The following AP2A2 variants were observed in gnomAD, a reference collection of about 807,000 sequenced individuals.
AP2A2 encodes AP-2 complex subunit alpha-2.
In AP2A2, 32 loss-of-function variants were observed where a neutral mutation model predicts 104.2. The observed-to-expected ratio is 0.31, with a 90% confidence interval of 0.23 to 0.41. The LOEUF (loss-of-function observed/expected upper bound fraction) is 0.41. Among genes scored for constraint, AP2A2 ranks in the 10% least tolerant of loss-of-function variants. The pLI is 1.00. For synonymous variants in AP2A2, 539 were observed against 533.3 expected (o/e 1.01, Z -0.15); for missense variants, 912 against 1,261.0 (o/e 0.72, Z 4.19).
chr11:995,235 C>T, intron 14 of AP2A2: 1 of 450,944 alleles, frequency 2.2e-6, no homozygotes. Flanking sequence ...CTGCCCTGCT[C>T]TTCGAGGTTT....
chr11:989,156 C>T (rs952905208), intron 10 of AP2A2, among the ~76,000 whole-genome samples: 8 of 152,126 alleles, frequency 5.3e-5, no homozygotes, highest in African/African-American at 1.7e-4. Flanking sequence ...ACCCTGACCC[C>T]GTCTCTACTG....
chr11:985,072 C>CT (rs1194355948), intron 7 of AP2A2, among the ~76,000 whole-genome samples: 1 of 152,190 alleles, frequency 6.6e-6, no homozygotes, highest in African/African-American at 2.4e-5. Flanking sequence ...CAACCTCTGC[C>CT]TCCCGGGTTC....
Position 993,093 on chromosome 11 carries a change from C to T in AP2A2, c.1453-191C>T, listed in dbSNP as rs545188850. ...CCCTCCAGGGCAGGTCAGCGTGTGG[C>T]AGCCTTGGGTTCCTTGCTGCTGACA... On this transcript the variant is annotated intron_variant, in intron 11 of 21. Transcript: ENST00000448903. This position sits in a 1 kb window ranked among gnomAD's most constrained non-coding sequence, Gnocchi z 8.2. 1.3e-5 allele frequency among the ~76,000 whole-genome samples: 2 copies of T among 152,334 alleles called. No homozygotes were observed. The highest frequency in any genetic ancestry group is 4.8e-5 in the African/African-American group (2 of 41,578).
At chr11:937,902 C>G (rs1853514150) in intron 1 of AP2A2, among the ~76,000 whole-genome samples, 1 of 152,134 alleles carries the variant, frequency 6.6e-6, no homozygotes, top group Admixed American at 6.6e-5. Flanking sequence ...AGTCCCGGAG[C>G]TCCCGAGAGG....
intron 14 of AP2A2, among the ~76,000 whole-genome samples, chr11:999,873 G>T (rs1260935324): frequency 6.7e-6 from 1 of 148,154 alleles, no homozygotes; most frequent in East Asian, 2.0e-4. Flanking sequence ...GTGCGATCTC[G>T]GCTCACTGCA....
intron 14 of AP2A2, among the ~76,000 whole-genome samples, chr11:1,000,084 G>A (rs540701306): frequency 6.6e-6 from 1 of 152,286 alleles, no homozygotes; most frequent in South Asian, 2.1e-4. Flanking sequence ...GGGATGACAG[G>A]TGTGAGCCAC....
chr11:983,566 G>A (rs778426951), intron 6 of AP2A2, among the ~76,000 whole-genome samples: 1 of 151,584 alleles, frequency 6.6e-6, no homozygotes, highest in Non-Finnish European at 1.5e-5. Context: ...GTATTTTTTA[G>A]TAGAGATGGG....
Position 1,003,716 on chromosome 11 carries a change from C to T in AP2A2, c.2124-6C>T. The T allele has an allele frequency of 1.3e-6, 2 of 1,594,942 alleles. No homozygotes were observed. The highest frequency in any genetic ancestry group is 1.3e-5 in the African/African-American group (1 of 74,386). ...AGTGACACATATACTGTCCCTTTTC[C>T]CCTAGGTTTGTTTGTAAAAACAATG... is the stretch of plus-strand genomic sequence containing the variant. On this transcript the variant is annotated splice_region_variant and splice_polypyrimidine_tract_variant and intron_variant, in intron 15 of 21. Transcript: ENST00000448903.
At chr11:938,007 A>G (rs1423880645) in intron 1 of AP2A2, among the ~76,000 whole-genome samples, 1 of 152,180 alleles carries the variant, frequency 6.6e-6, no homozygotes, top group Non-Finnish European at 1.5e-5. Context: ...CAGCCAGGTT[A>G]TGCTTCTGCC....
At chr11:941,853 G>A (rs1405775506) in intron 1 of AP2A2, among the ~76,000 whole-genome samples, 1 of 152,020 alleles carries the variant, frequency 6.6e-6, no homozygotes, top group African/African-American at 2.4e-5. Context: ...TCCCAAAGTG[G>A]TGGGATTACA....
intron 1 of AP2A2, among the ~76,000 whole-genome samples, chr11:954,172 C>A (rs935604507): frequency 6.6e-6 from 1 of 152,154 alleles, no homozygotes; most frequent in Non-Finnish European, 1.5e-5. Flanking sequence ...GTTGTACGGC[C>A]GTTGGTGGCT....
intron 1 of AP2A2, among the ~76,000 whole-genome samples, chr11:935,603 G>GTTTTTTTTTTTTTTTTTTGTTTTTTT (rs1853429466): frequency 1.3e-5 from 1 of 77,988 alleles, no homozygotes; most frequent in Non-Finnish European, 2.4e-5. Context: ...TGCCCGGCCA[G>GTTTTTTTTTTTTTTTTTTGTTTTTTT]TTTTTTTTTT....
At chr11:970,062 G>A in intron 2 of AP2A2, 107 bp from the exon 3 acceptor site, 1 of 1,274,280 alleles carries the variant, frequency 7.8e-7, no homozygotes. Flanking sequence ...CCCCTCTCCT[G>A]GAGGCTTGTC....
intron 5 of AP2A2, 74 bp from the exon 6 acceptor site, chr11:981,124 T>C: frequency 7.3e-7 from 1 of 1,360,690 alleles, no homozygotes; most frequent in Non-Finnish European, 1.0e-6. Context: ...GGTTTAAGGT[T>C]TTCTTTGGAA....
At chr11:971,903 G>A (rs373957686) in intron 3 of AP2A2, among the ~76,000 whole-genome samples, 159 bp from the exon 4 acceptor site, 7 of 152,128 alleles carry the variant, frequency 4.6e-5, no homozygotes, top group Admixed American at 6.5e-5. Flanking sequence ...GACGTTTGCC[G>A]AATCCTGAGA....
At position 986,637 on chromosome 11, in the gene AP2A2, C is replaced by T. The variant is rs1855467031; in HGVS notation, c.963-148C>T. On this transcript the variant is annotated intron_variant, in intron 8 of 21. Transcript: ENST00000448903. ...GGCGTCATCTGCATCTGGGGAGGCCCCCGAGTTCCCACTTGAGCAGTGTGG... is the reference window on the plus strand; with the variant it reads ...GGCGTCATCTGCATCTGGGGAGGCCTCCGAGTTCCCACTTGAGCAGTGTGG... 9 of 998,750 alleles carry T rather than the reference C, an allele frequency of 9.0e-6. No individual in the cohort carries two copies. In the South Asian group the frequency reaches 1.4e-4, roughly 16 times the overall value. The allele number at this position is 998,750 out of a possible 1,614,324, so 61.9% of individuals were successfully genotyped here. A position where few individuals can be genotyped will look rare whatever the true frequency, so the allele number is the denominator to read the frequency against.
In AP2A2 at chr11:988,760, C is replaced by T. The variant is rs1298504083; in HGVS notation, c.1269+71C>T. 3.2e-6 allele frequency: 5 copies of T among 1,562,864 alleles called. No individual in the cohort carries two copies. In the South Asian group the frequency reaches 3.4e-5, roughly 10 times the overall value. On this transcript the variant is annotated intron_variant, in intron 10 of 21. Transcript: ENST00000448903. The stretch of plus-strand genomic sequence containing the variant: ...TCTCAGCGGCAGGATTTCCTTCGTG[C>T]TCTGCGATTCCGTCCAGCAGGACTT...
chr11:938,148 C>T (rs555093778), intron 1 of AP2A2, among the ~76,000 whole-genome samples: 50 of 152,342 alleles, frequency 3.3e-4, no homozygotes, highest in Non-Finnish European at 6.2e-4. Context: ...GTGACAGACC[C>T]TCTGTTGGGG....
intron 1 of AP2A2, among the ~76,000 whole-genome samples, chr11:937,537 G>A (rs1853498857): frequency 1.3e-5 from 2 of 152,236 alleles, no homozygotes; most frequent in African/African-American, 4.8e-5. Flanking sequence ...GAGCCTAGGA[G>A]GTTGAGGCTG....
Sources: gnomAD v4.1 joint callset for allele counts (sites outside exome capture counted in the v4.1 genomes callset) on GRCh38, gnomAD v4.1.1 for gene constraint, Gnocchi (gnomAD v3.1) non-coding constraint, MANE v1.5 for transcripts, NCBI Gene and HGNC (gene_info 2026-07-23, HGNC 2026-07-21) for gene names.